The following COX7B2 variants were observed in gnomAD, a reference collection of about 807,000 sequenced individuals.
COX7B2 encodes the protein cytochrome c oxidase subunit 7B2.
For missense variants in COX7B2, 109 were observed against 95.9 expected, an observed-to-expected ratio of 1.14 and a Z score of -0.57; for synonymous variants, 37 against 32.1, an observed-to-expected ratio of 1.15 and a Z score of -0.51.
intron 1 of COX7B2, among the ~76,000 whole-genome samples, chr4:46,905,390 G>A (rs985735221): frequency 3.3e-5 from 5 of 152,276 alleles, no homozygotes; most frequent in African/African-American, 1.2e-4. Context: ...AAAGCACACT[G>A]TGTTCTTAGA....
chr4:46,900,541 T>C (rs1364774508), intron 1 of COX7B2, among the ~76,000 whole-genome samples: 1 of 152,156 alleles, frequency 6.6e-6, no homozygotes, highest in African/African-American at 2.4e-5. Flanking sequence ...CTGTTACTGA[T>C]ATGGGGCACC....
At chr4:46,906,081 G>A (rs960353167) in intron 1 of COX7B2, among the ~76,000 whole-genome samples, 6 of 151,464 alleles carry the variant, frequency 4.0e-5, no homozygotes, top group Admixed American at 1.3e-4. Context: ...CACCCGCCTC[G>A]GCCTCCCAAA....
chr4:46,829,304 T>C (rs1714912069), intron 2 of COX7B2, among the ~76,000 whole-genome samples: 1 of 152,170 alleles, frequency 6.6e-6, no homozygotes, highest in South Asian at 2.1e-4. Context: ...TTAATGACCA[T>C]GGAATATGTT....
rs575926250 is a variant in COX7B2 at position 46,739,387 on chromosome 4, A to G, written c.-49-4146T>C. On this transcript the variant is annotated intron_variant, in intron 2 of 2. Transcript: ENST00000355591. ...AACAAAACCAAGCTGGTTACCAGAGATGGCTCTTTAATTGGAAATGGTTCA... is the reference window on the plus strand; with the variant it reads ...AACAAAACCAAGCTGGTTACCAGAGGTGGCTCTTTAATTGGAAATGGTTCA... Among the ~76,000 whole-genome samples, 8 of 152,220 alleles carry G rather than the reference A, an allele frequency of 5.3e-5. 1 individual carries two copies. The South Asian group carries it at 1.4e-3, about 28-fold the overall frequency.
chr4:46,860,205 C>G (rs890895373), intron 1 of COX7B2, among the ~76,000 whole-genome samples: 27 of 152,096 alleles, frequency 1.8e-4, no homozygotes, highest in Non-Finnish European at 2.9e-4. Flanking sequence ...ATGATACAGT[C>G]GAGAGAGACA....
intron 2 of COX7B2, among the ~76,000 whole-genome samples, chr4:46,792,172 T>G (rs1718083595): frequency 6.6e-6 from 1 of 152,194 alleles, no homozygotes; most frequent in Non-Finnish European, 1.5e-5. Context: ...TTCAGATGAT[T>G]AATCAAGCAA....
intron 2 of COX7B2, among the ~76,000 whole-genome samples, chr4:46,837,138 G>A (rs1258850935): frequency 6.6e-6 from 1 of 152,018 alleles, no homozygotes; most frequent in Non-Finnish European, 1.5e-5. Context: ...AGATCTTTAA[G>A]AGACTCTGAG....
intron 2 of COX7B2, among the ~76,000 whole-genome samples, chr4:46,809,757 G>C (rs1719192520): frequency 6.6e-6 from 1 of 151,798 alleles, no homozygotes; most frequent in Non-Finnish European, 1.5e-5. Flanking sequence ...GTATATGTCT[G>C]CTAAGTCCAT....
chr4:46,756,316 G>A (rs866813974), intron 2 of COX7B2, among the ~76,000 whole-genome samples: 1 of 151,900 alleles, frequency 6.6e-6, no homozygotes, highest in Non-Finnish European at 1.5e-5. Context: ...AACTCAAGAT[G>A]GGTTGAAGAC....
intron 2 of COX7B2, among the ~76,000 whole-genome samples, chr4:46,822,600 T>C (rs1714381527): frequency 6.6e-6 from 1 of 152,142 alleles, no homozygotes. Context: ...TAAAAAACCA[T>C]TAAATAAACT....
At chr4:46,753,007 T>C (rs1715496784) in intron 2 of COX7B2, among the ~76,000 whole-genome samples, 1 of 152,182 alleles carries the variant, frequency 6.6e-6, no homozygotes. Context: ...AGCTCCTCCT[T>C]GTACCTCTGG....
At chr4:46,759,861 A>G (rs1019164091) in intron 2 of COX7B2, among the ~76,000 whole-genome samples, 1 of 149,916 alleles carries the variant, frequency 6.7e-6, no homozygotes, top group Non-Finnish European at 1.5e-5. Flanking sequence ...CATATCTTAT[A>G]TAAGTTATAT....
At position 46,845,589 on chromosome 4, in the gene COX7B2, T is replaced by C. The variant is rs573656606; in HGVS notation, c.-104-575A>G. On this transcript the variant is annotated intron_variant, in intron 1 of 2. Coordinates refer to ENST00000355591, the MANE Select transcript of COX7B2 (RefSeq NM_130902.3). ...TACATTTATTTACTACTTTAGAGTA[T>C]ATGTGCATAACAGAAAGTCCCACCC... 3.9e-5 allele frequency among the ~76,000 whole-genome samples: 6 copies of C among 152,120 alleles called. No homozygotes were observed. The South Asian group carries it at 1.2e-3, about 31-fold the overall frequency.
chr4:46,819,688 T>C (rs1420399536), intron 2 of COX7B2, among the ~76,000 whole-genome samples: 2 of 152,230 alleles, frequency 1.3e-5, no homozygotes, highest in Non-Finnish European at 2.9e-5. Flanking sequence ...TAAAGCAGTA[T>C]ATTATTTGTG....
intron 2 of COX7B2, among the ~76,000 whole-genome samples, chr4:46,811,417 G>A (rs987812462): frequency 2.6e-5 from 4 of 151,314 alleles, no homozygotes; most frequent in African/African-American, 9.7e-5. Flanking sequence ...GATCTTGTCT[G>A]CTGTTAAACC....
chr4:46,751,302 G>A (rs1335197255), intron 2 of COX7B2, among the ~76,000 whole-genome samples: 1 of 151,468 alleles, frequency 6.6e-6, no homozygotes, highest in Non-Finnish European at 1.5e-5. Context: ...TTAAAATTTT[G>A]CAAAAGCATA....
chr4:46,749,414 T>A (rs976232321), intron 2 of COX7B2, among the ~76,000 whole-genome samples: 2 of 152,148 alleles, frequency 1.3e-5, no homozygotes, highest in African/African-American at 4.8e-5. Context: ...CCATCCTCCA[T>A]CTATTTTCCC....
intron 2 of COX7B2, among the ~76,000 whole-genome samples, chr4:46,738,726 T>C (rs1488982842): frequency 6.6e-6 from 1 of 152,002 alleles, no homozygotes; most frequent in African/African-American, 2.4e-5. Context: ...TTCAATAATA[T>C]AGTAGGTAAA....
intron 1 of COX7B2, chr4:46,876,881 G>C (rs939711333): frequency 2.6e-5 from 4 of 152,240 alleles, no homozygotes; most frequent in Non-Finnish European, 2.9e-5. Context: ...TTCGCTAAAG[G>C]CTAAAGCTAC....
Sources: allele counts gnomAD v4.1 joint callset (sites outside exome capture counted in the v4.1 genomes callset), GRCh38; gene constraint gnomAD v4.1.1; transcripts MANE v1.5; gene names NCBI Gene and HGNC (gene_info 2026-07-23, HGNC 2026-07-21).